The following PTN variants were observed in gnomAD, a reference collection of about 807,000 sequenced individuals.
The protein encoded by PTN is heparin affin regulatory protein.
In PTN, 18 loss-of-function variants were observed where a neutral mutation model predicts 24.1. The ratio of observed to expected loss-of-function variants is 0.75; its 90% CI spans 0.52 to 1.11. The LOEUF (loss-of-function observed/expected upper bound fraction) is 1.11, where lower values mean the gene tolerates loss of function less well. Among genes scored for constraint, PTN ranks in the 50% least tolerant of loss-of-function variants. PTN has a pLI of 0.00. For missense variants in PTN, 163 were observed against 198.8 expected (o/e 0.82, Z 1.08); for synonymous variants, 78 against 68.6 (o/e 1.14, Z -0.67).
intron 1 of PTN, among the ~76,000 whole-genome samples, chr7:137,262,771 A>C (rs1809065394): frequency 6.6e-6 from 1 of 152,218 alleles, no homozygotes; most frequent in South Asian, 2.1e-4. Flanking sequence ...GGGAGGTTTC[A>C]CAAGGTCCTT....
At chr7:137,255,582 C>T (rs1172309578) in intron 1 of PTN, among the ~76,000 whole-genome samples, 3 of 152,186 alleles carry the variant, frequency 2.0e-5, no homozygotes, top group Admixed American at 1.3e-4. Context: ...AGAAGTAGAG[C>T]TAGCACACCT....
intron 1 of PTN, among the ~76,000 whole-genome samples, chr7:137,298,273 C>T (rs1809751174): frequency 6.6e-6 from 1 of 151,872 alleles, no homozygotes; most frequent in Non-Finnish European, 1.5e-5. Context: ...GGTAAATATG[C>T]TTTAGATTTT....
intron 1 of PTN, among the ~76,000 whole-genome samples, chr7:137,298,127 G>A (rs1390354508): frequency 6.6e-6 from 1 of 152,012 alleles, no homozygotes; most frequent in Non-Finnish European, 1.5e-5. Flanking sequence ...GCAACTTTAA[G>A]AGCCTGTAAG....
chr7:137,330,612 A>G (rs1429531705), intron 1 of PTN, among the ~76,000 whole-genome samples: 10 of 152,146 alleles, frequency 6.6e-5, no homozygotes, highest in Non-Finnish European at 1.5e-5. Flanking sequence ...TAGACGGTAG[A>G]AAGGTTTATG....
chr7:137,287,787 G>A (rs1809580233), intron 1 of PTN: 2 of 152,166 alleles, frequency 1.3e-5, no homozygotes, highest in African/African-American at 4.8e-5. Context: ...AGAAAAAAAG[G>A]GCTTACATTG....
At chr7:137,250,378 G>A (rs908515208) in intron 4 of PTN, among the ~76,000 whole-genome samples, 2 of 152,114 alleles carry the variant, frequency 1.3e-5, no homozygotes, top group African/African-American at 4.8e-5. Flanking sequence ...TTCTCTCTAT[G>A]TATTTCTGTG....
At chr7:137,262,579 G>C (rs901393679) in intron 1 of PTN, among the ~76,000 whole-genome samples, 2 of 151,968 alleles carry the variant, frequency 1.3e-5, no homozygotes, top group Admixed American at 6.6e-5. Context: ...GCTTTAATCA[G>C]CTGGGAGCAT....
At chr7:137,332,374 G>A (rs1209236157) in intron 1 of PTN, among the ~76,000 whole-genome samples, 1 of 145,454 alleles carries the variant, frequency 6.9e-6, no homozygotes, top group Non-Finnish European at 1.5e-5. Context: ...TTCCTAATAA[G>A]AAACATCATA....
Position 137,251,368 on chromosome 7 carries a change from C to A in PTN, c.313G>T (p.Ala105Ser). 6.2e-7 allele frequency: 1 copy of A among 1,614,086 alleles called. No homozygotes were observed. Among genetic ancestry groups the A allele is most frequent in the Non-Finnish European group, 8.5e-7 (1 of 1,180,002 alleles). Residue 105 changes from alanine (A) to serine (S), a missense_variant, in exon 4 of 5, where the codon GCC becomes TCC. Physicochemically the swap from Ala to Ser is moderately conservative, Grantham distance 99. Coordinates refer to ENST00000348225, the MANE Select transcript of PTN (RefSeq NM_002825.7). ...GTGTTCAGGTCACATTCTCCCCAGG[C>A]CTGGAACTGGTATTTGCACTCCGCT... Reference protein sequence around the residue: ...FGAECKYQFQAWGECDLNTAL... With the variant: ...FGAECKYQFQSWGECDLNTAL...
intron 4 of PTN, among the ~76,000 whole-genome samples, chr7:137,247,219 T>C (rs1198978379): frequency 6.6e-6 from 1 of 152,204 alleles, no homozygotes; most frequent in African/African-American, 2.4e-5. Flanking sequence ...TGTACCCCTA[T>C]GTTTGTTGCA....
In PTN at chr7:137,343,623, CT is replaced by C. The variant is rs771892268; in HGVS notation, c.-187del. The C allele has an allele frequency of 3.9e-6, 2 of 518,778 alleles. No individual in the cohort carries two copies. Among genetic ancestry groups the C allele is most frequent in the Admixed American group, 1.9e-5 (1 of 51,564 alleles). The allele number at this position is 518,778 out of a possible 1,614,324, so 32.1% of individuals were successfully genotyped here. ...CCCTCTCTCCACTTTGGATTTTCCT[CT>C]GCTCTGGGGCTCTCTTGGCGGGATT... is the stretch of plus-strand genomic sequence containing the variant. On this transcript the variant is annotated 5_prime_UTR_variant, in exon 1 of 5. Transcript: ENST00000348225.
At chr7:137,253,382 A>G in intron 3 of PTN, 82 bp downstream of exon 3, 2 of 1,378,164 alleles carry the variant, frequency 1.5e-6, no homozygotes, top group Non-Finnish European at 2.0e-6. Context: ...AATAAAAAGT[A>G]CTTATCCTTA....
At chr7:137,266,268 T>G (rs1809142726) in intron 1 of PTN, among the ~76,000 whole-genome samples, 1 of 152,182 alleles carries the variant, frequency 6.6e-6, no homozygotes. Context: ...GTTTTAAAAC[T>G]TGCTTAAACT....
intron 1 of PTN, among the ~76,000 whole-genome samples, chr7:137,330,221 G>C (rs918847568): frequency 2.0e-4 from 30 of 152,078 alleles, no homozygotes; most frequent in African/African-American, 7.0e-4. Flanking sequence ...AGGAGGTGGA[G>C]GTTGCAGTGA....
chr7:137,265,759 T>C (rs542077721), intron 1 of PTN, among the ~76,000 whole-genome samples: 1 of 152,254 alleles, frequency 6.6e-6, no homozygotes, highest in South Asian at 2.1e-4. Context: ...TAACAATTGC[T>C]TTTGTTTAAC....
chr7:137,241,894 G>A (rs1342310830), intron 4 of PTN, among the ~76,000 whole-genome samples: 9 of 152,098 alleles, frequency 5.9e-5, no homozygotes, highest in Non-Finnish European at 1.2e-4. Context: ...GGGGGCCTTC[G>A]AGGGGAGGGA....
chr7:137,323,295 A>T (rs921836394), intron 1 of PTN, among the ~76,000 whole-genome samples: 2 of 152,202 alleles, frequency 1.3e-5, no homozygotes, highest in Non-Finnish European at 2.9e-5. Flanking sequence ...CAAATTTGTT[A>T]TGTATGTCGT....
At chr7:137,234,334 T>C (rs969690104) in intron 4 of PTN, among the ~76,000 whole-genome samples, 1 of 152,012 alleles carries the variant, frequency 6.6e-6, no homozygotes, top group Admixed American at 6.6e-5. Flanking sequence ...TGCCTTAGTA[T>C]AGATTATTAG....
At chr7:137,286,476 TATC>T (rs1397996151) in intron 1 of PTN, among the ~76,000 whole-genome samples, 1 of 152,176 alleles carries the variant, frequency 6.6e-6, no homozygotes, top group Non-Finnish European at 1.5e-5. Context: ...TCACCTCAAT[TATC>T]ATAATATCCA....
Sources: allele counts gnomAD v4.1 joint callset (sites outside exome capture counted in the v4.1 genomes callset), GRCh38; gene constraint gnomAD v4.1.1; transcripts MANE v1.5; gene names NCBI Gene and HGNC (gene_info 2026-07-23, HGNC 2026-07-21).